The following FBLN2 variants were observed in gnomAD, a reference collection of about 807,000 sequenced individuals.
FBLN2 encodes fibulin 2.
Under a neutral mutation model 123.7 loss-of-function variants are expected in FBLN2, and 81 were observed. The observed-to-expected ratio is 0.65, with a 90% CI of 0.55 to 0.79. The LOEUF is 0.79. Ranked by LOEUF, FBLN2 falls within the 30% of genes least tolerant of loss-of-function variation. The pLI is 0.00. For missense variants in FBLN2, 1,603 were observed against 1,681.3 expected (o/e 0.95, Z 0.81); for synonymous variants, 699 against 701.4 (o/e 1.00, Z 0.05).
chr3:13,592,890 G>A (rs568240412), intron 2 of FBLN2, among the ~76,000 whole-genome samples: 244 of 152,294 alleles, frequency 1.6e-3, no homozygotes, highest in Non-Finnish European at 2.9e-3. Flanking sequence ...GGCTGAGCTC[G>A]CTCAGGTGTT....
At chr3:13,585,553 C>T (rs1184576639) in intron 2 of FBLN2, among the ~76,000 whole-genome samples, 1 of 152,132 alleles carries the variant, frequency 6.6e-6, no homozygotes, top group Non-Finnish European at 1.5e-5. Context: ...TGCCTTTTGC[C>T]TAGTGACAGC....
chr3:13,595,837 C>G (rs1383805023), intron 2 of FBLN2, among the ~76,000 whole-genome samples: 1 of 152,074 alleles, frequency 6.6e-6, no homozygotes, highest in Non-Finnish European at 1.5e-5. Context: ...TGGGTAATAC[C>G]TGCATAAGAT....
At chr3:13,602,022 G>A (rs138297163) in intron 2 of FBLN2, among the ~76,000 whole-genome samples, 7 of 152,286 alleles carry the variant, frequency 4.6e-5, no homozygotes, top group African/African-American at 9.6e-5. Context: ...TCAAACTACT[G>A]GCCTCAAGTG....
intron 2 of FBLN2, among the ~76,000 whole-genome samples, chr3:13,587,911 G>T (rs183867282): frequency 1.4e-4 from 21 of 152,292 alleles, no homozygotes; most frequent in Non-Finnish European, 2.5e-4. Context: ...CCAAACTAAT[G>T]TGTTTCTTAA....
At chr3:13,616,665 GC>G (rs1206702938) in intron 5 of FBLN2, among the ~76,000 whole-genome samples, 1 of 152,210 alleles carries the variant, frequency 6.6e-6, no homozygotes, top group Non-Finnish European at 1.5e-5. Context: ...TGGGAAGGAG[GC>G]CCTGGGCTGG....
chr3:13,571,883 C>T (rs112659868), intron 2 of FBLN2, among the ~76,000 whole-genome samples: 1 of 152,092 alleles, frequency 6.6e-6, no homozygotes, highest in African/African-American at 2.4e-5. Context: ...AGTGGGGTTC[C>T]TGTTGTGGGA....
chr3:13,614,962 A>G (rs1177016328), intron 5 of FBLN2, among the ~76,000 whole-genome samples: 2 of 144,956 alleles, frequency 1.4e-5, no homozygotes, highest in African/African-American at 2.6e-5. Flanking sequence ...CCGTCTGTTC[A>G]TCCATCTGCT....
intron 16 of FBLN2, among the ~76,000 whole-genome samples, chr3:13,634,614 T>G (rs559298877): frequency 6.6e-6 from 1 of 152,382 alleles, no homozygotes; most frequent in South Asian, 2.1e-4. Flanking sequence ...ATCAGCAGCC[T>G]GGGACCACCC....
At chr3:13,608,562 C>T (rs575568876) in intron 3 of FBLN2, among the ~76,000 whole-genome samples, 1 of 152,234 alleles carries the variant, frequency 6.6e-6, no homozygotes, top group South Asian at 2.1e-4. Flanking sequence ...CCTTTCTCTG[C>T]TTTGCTACCC....
chr3:13,592,960 G>A (rs1349209388), intron 2 of FBLN2, among the ~76,000 whole-genome samples: 1 of 152,174 alleles, frequency 6.6e-6, no homozygotes, highest in Non-Finnish European at 1.5e-5. Flanking sequence ...CTGCTGGGAT[G>A]GTTGTCTATG....
At chr3:13,609,998 G>A (rs1423356046) in intron 4 of FBLN2, among the ~76,000 whole-genome samples, 4 of 152,196 alleles carry the variant, frequency 2.6e-5, no homozygotes, top group Non-Finnish European at 5.9e-5. Context: ...GGTTGCAGGC[G>A]ATTGTGCTAA....
chr3:13,618,027 C>T (rs1437099305), intron 5 of FBLN2, 49 bp from the exon 6 acceptor site: 3 of 1,573,620 alleles, frequency 1.9e-6, no homozygotes, highest in East Asian at 4.5e-5. Flanking sequence ...GTCTCAGCCA[C>T]CTACTCTGAC....
intron 2 of FBLN2, among the ~76,000 whole-genome samples, chr3:13,584,081 G>T (rs926785496): frequency 6.6e-6 from 1 of 152,226 alleles, no homozygotes; most frequent in South Asian, 2.1e-4. Flanking sequence ...GAACACAAGG[G>T]CAGTCGCTCC....
At chr3:13,553,613 G>A (rs995420925) in intron 1 of FBLN2, among the ~76,000 whole-genome samples, 20 of 152,260 alleles carry the variant, frequency 1.3e-4, no homozygotes, top group African/African-American at 4.8e-4. Context: ...ATTTGGAAAC[G>A]TTGCAGAAAT....
intron 2 of FBLN2, among the ~76,000 whole-genome samples, chr3:13,577,145 C>T (rs1372062075): frequency 6.6e-6 from 1 of 151,758 alleles, no homozygotes; most frequent in Admixed American, 6.6e-5. Context: ...ATCGCTTGAA[C>T]CCGGGAGGCA....
intron 1 of FBLN2, among the ~76,000 whole-genome samples, chr3:13,552,454 C>T (rs947659745): frequency 2.0e-5 from 3 of 152,136 alleles, no homozygotes; most frequent in Non-Finnish European, 2.9e-5. Context: ...TAGCAGCCCT[C>T]TGTCATCCAG....
In FBLN2 at chr3:13,618,918, C is replaced by T. The variant is rs1001412948; in HGVS notation, c.1954C>T (p.Gln652Ter). The T allele has an allele frequency of 1.2e-6, 2 of 1,612,860 alleles. No homozygotes were observed. The highest frequency in any genetic ancestry group is 1.7e-6 in the Non-Finnish European group (2 of 1,179,548). ...RTCRPEGHPP[Q>*]PEAPQEPALK... Reference sequence around the variant, plus strand: ...ACCCATGACAGAGGGTCACCCTCCACAGCCGGAAGCCCCACAGGAGCCTGC... The same window carrying T: ...ACCCATGACAGAGGGTCACCCTCCATAGCCGGAAGCCCCACAGGAGCCTGC... Residue 652 changes from glutamine to a stop codon, truncating the protein, a stop_gained, in exon 7 of 18, where the codon CAG becomes TAG. Transcript: ENST00000404922. LOFTEE classifies it high-confidence loss of function.
chr3:13,629,160 A>C lies in FBLN2; in HGVS notation c.2714-4A>C. ...CCTCAAGGTACCCTGCTCACCCCCC[A>C]CAGACGTGAATGAGTGTGAGACAGG... On this transcript the variant is annotated splice_region_variant and splice_polypyrimidine_tract_variant and intron_variant, in intron 12 of 17. Coordinates refer to ENST00000404922, the MANE Select transcript of FBLN2 (RefSeq NM_001004019.2). 6.2e-7 allele frequency: 1 copy of C among 1,612,776 alleles called. No individual in the cohort carries two copies.
At chr3:13,589,659 A>T (rs1704609992) in intron 2 of FBLN2, among the ~76,000 whole-genome samples, 1 of 152,202 alleles carries the variant, frequency 6.6e-6, no homozygotes, top group African/African-American at 2.4e-5. Context: ...TCTAAAAAAT[A>T]GCGATATTCT....
Sources: gnomAD v4.1 joint callset for allele counts (sites outside exome capture counted in the v4.1 genomes callset) on GRCh38, gnomAD v4.1.1 for gene constraint, MANE v1.5 for transcripts, NCBI Gene and HGNC (gene_info 2026-07-23, HGNC 2026-07-21) for gene names.